The following RBM33 variants were observed in gnomAD, a reference collection of about 807,000 sequenced individuals.
RBM33 encodes RNA-binding protein 33.
RBM33 carries 28 observed loss-of-function variants against 132.6 expected under a neutral mutation model. That is an observed-to-expected ratio of 0.21 (90% CI 0.16 to 0.29). The LOEUF is 0.29. Ranked by LOEUF, RBM33 falls within the 10% of genes least tolerant of loss-of-function variation. The probability of loss-of-function intolerance (pLI) is 1.00; values close to 1 mark genes in which losing one functional copy is unlikely to be tolerated. For synonymous variants in RBM33, 634 were observed against 593.0 expected (o/e 1.07, Z -1.01); for missense variants, 1,291 against 1,518.5 (o/e 0.85, Z 2.49).
chr7:155,689,242 T>C (rs1373775385), intron 5 of RBM33, among the ~76,000 whole-genome samples: 1 of 152,228 alleles, frequency 6.6e-6, no homozygotes, highest in Admixed American at 6.5e-5. Flanking sequence ...TCTTCTAGAT[T>C]TTCTAGTTTA....
chr7:155,737,764 A>T, intron 10 of RBM33, 102 bp downstream of exon 10: 2 of 1,283,354 alleles, frequency 1.6e-6, no homozygotes, highest in East Asian at 2.6e-5. Flanking sequence ...CCAGTTGGAG[A>T]TGTTAGGAAT....
chr7:155,753,953 T>G (rs1362683006), intron 14 of RBM33, among the ~76,000 whole-genome samples: 1 of 152,230 alleles, frequency 6.6e-6, no homozygotes, highest in African/African-American at 2.4e-5. Context: ...TCTAGCATCT[T>G]CCTTTTGGAG....
chr7:155,706,984 G>A lies in RBM33; in HGVS notation c.864G>A (p.Val288=). 3 of 1,594,794 alleles carry A rather than the reference G, an allele frequency of 1.9e-6. No individual in the cohort carries two copies. Among genetic ancestry groups the A allele is most frequent in the Non-Finnish European group, 2.6e-6 (3 of 1,170,702 alleles). The stretch of plus-strand genomic sequence containing the variant: ...GAGGTCCGCTGATGTGTCGTGGTGT[G>A]GGGGACCAGAGGAGAGAGAGCACCG... ...RRGGPLMCRG[V]GDQRRESTER... The change falls in exon 7 of 18, where the codon GTG becomes GTA. Residue 288 remains valine (V), a synonymous_variant. Coordinates refer to ENST00000401878, the MANE Select transcript of RBM33 (RefSeq NM_053043.3).
chr7:155,673,794 A>ACACC (rs1563138154), intron 3 of RBM33, among the ~76,000 whole-genome samples: 1 of 143,170 alleles, frequency 7.0e-6, no homozygotes, highest in Non-Finnish European at 1.5e-5. Flanking sequence ...ACACACACAC[A>ACACC]CACACACCCC....
Position 155,780,298 on chromosome 7 carries a change from C to G in RBM33, c.*5257C>G, listed in dbSNP as rs970858073. 6.6e-6 allele frequency: 1 copy of G among 152,226 alleles called. No homozygotes were observed. Among genetic ancestry groups the G allele is most frequent in the African/African-American group, 2.4e-5 (1 of 41,454 alleles). 9.4% of individuals were successfully genotyped at this position (152,226 alleles called of 1,614,324 possible). A position where few individuals can be genotyped will look rare whatever the true frequency, so the allele number is the denominator to read the frequency against. ...GAGCAAAAAAAGCCACCGCTCGTTT[C>G]TATAATCCAGCTTTGCTTTTCACAG... On this transcript the variant is annotated 3_prime_UTR_variant, in exon 18 of 18. Transcript: ENST00000401878.
At chr7:155,743,055 A>G (rs1801401074) in intron 13 of RBM33, among the ~76,000 whole-genome samples, 1 of 152,014 alleles carries the variant, frequency 6.6e-6, no homozygotes, top group Non-Finnish European at 1.5e-5. Context: ...TAATCAGTTC[A>G]TTTTTTTCAG....
intron 5 of RBM33, among the ~76,000 whole-genome samples, chr7:155,697,681 G>A (rs1040817678): frequency 2.6e-5 from 4 of 152,100 alleles, no homozygotes; most frequent in Non-Finnish European, 4.4e-5. Context: ...AGAACACTGA[G>A]ATCATACTTT....
chr7:155,766,553 G>A lies in RBM33; in HGVS notation c.3273G>A (p.Val1091=). The change falls in exon 16 of 18, where the codon GTG becomes GTA. Residue 1091 remains valine (V), a synonymous_variant. Transcript: ENST00000401878. ...CAAACAAGCAGAACCTGCGGGTGGT[G>A]GAGTGCAAGCCCCAGCCCTGCGTGG... ...LMPNKQNLRV[V]ECKPQPCVVS... 1.9e-6 allele frequency: 3 copies of A among 1,613,626 alleles called. No homozygotes were observed. The highest frequency in any genetic ancestry group is 2.2e-5 in the East Asian group (1 of 44,850).
intron 16 of RBM33, among the ~76,000 whole-genome samples, chr7:155,770,081 G>T (rs555344702): frequency 6.6e-6 from 1 of 152,206 alleles, no homozygotes; most frequent in Admixed American, 6.5e-5. Flanking sequence ...GTCAGGAGAC[G>T]TTTTAAAATT....
chr7:155,726,951 T>A (rs1365072797), intron 9 of RBM33, among the ~76,000 whole-genome samples: 1 of 152,206 alleles, frequency 6.6e-6, no homozygotes, highest in African/African-American at 2.4e-5. Context: ...CTTTGTCTCA[T>A]AGAGGAAAAG....
At chr7:155,657,699 G>A (rs1299115380) in intron 1 of RBM33, among the ~76,000 whole-genome samples, 1 of 152,162 alleles carries the variant, frequency 6.6e-6, no homozygotes, top group African/African-American at 2.4e-5. Flanking sequence ...AGCAATGTCT[G>A]CCATGGATGA....
At chr7:155,757,252 T>C (rs1382617864) in intron 14 of RBM33, among the ~76,000 whole-genome samples, 5 of 152,238 alleles carry the variant, frequency 3.3e-5, no homozygotes, top group Non-Finnish European at 1.5e-5. Flanking sequence ...ATGTGTATGC[T>C]AGTTCACATT....
chr7:155,673,685 TATAC>T (rs1289985038), intron 3 of RBM33, among the ~76,000 whole-genome samples: 1 of 135,370 alleles, frequency 7.4e-6, no homozygotes, highest in East Asian at 2.2e-4. Context: ...CGTGTATATA[TATAC>T]ACACATATAT....
chr7:155,716,316 G>GTTGTTTTT (rs1800460406), intron 8 of RBM33, among the ~76,000 whole-genome samples: 1 of 102,384 alleles, frequency 9.8e-6, no homozygotes, highest in South Asian at 3.4e-4. Flanking sequence ...CTTTTCTGCT[G>GTTGTTTTT]TTTTTTTTTT....
Position 155,711,211 on chromosome 7 carries a change from T to C in RBM33, c.957T>C (p.Ala319=), listed in dbSNP as rs768436256. The C allele has an allele frequency of 5.8e-6, 9 of 1,556,028 alleles. No individual in the cohort carries two copies. In the South Asian group the frequency reaches 7.1e-5, roughly 12 times the overall value. Residue 319 remains alanine (A), a synonymous_variant, in exon 8 of 18, where the codon GCT becomes GCC. Transcript: ENST00000401878. ...LPTQPPVVPQ[A]PPPPPPPPQQ... The stretch of plus-strand genomic sequence containing the variant: ...GGTTAATTCCTCCACAGCCCCAGGC[T>C]CCCCCTCCACCGCCACCGCCGCCTC...
intron 5 of RBM33, among the ~76,000 whole-genome samples, chr7:155,697,199 A>AG (rs1799817414): frequency 6.6e-6 from 1 of 152,142 alleles, no homozygotes; most frequent in Non-Finnish European, 1.5e-5. Context: ...GAGGAGGAGG[A>AG]GGAGGAGTAT....
intron 5 of RBM33, among the ~76,000 whole-genome samples, chr7:155,683,077 G>A (rs1799379783): frequency 6.6e-6 from 1 of 151,538 alleles, no homozygotes; most frequent in African/African-American, 2.4e-5. Flanking sequence ...GTTTAAAGTT[G>A]AGCAGTAGTA....
At chr7:155,761,369 A>T (rs1204680150) in intron 14 of RBM33, among the ~76,000 whole-genome samples, 1 of 152,200 alleles carries the variant, frequency 6.6e-6, no homozygotes, top group Non-Finnish European at 1.5e-5. Flanking sequence ...TCTGAAAGAG[A>T]TTGCGTAAGC....
intron 3 of RBM33, 95 bp downstream of exon 3, chr7:155,673,010 A>G (rs1166554767): frequency 9.2e-6 from 7 of 764,368 alleles, no homozygotes; most frequent in Non-Finnish European, 1.2e-5. Flanking sequence ...TCATTACTGG[A>G]AAGTTGGGTA....
Sources: allele counts gnomAD v4.1 joint callset (sites outside exome capture counted in the v4.1 genomes callset), GRCh38; gene constraint gnomAD v4.1.1; transcripts MANE v1.5; gene names NCBI Gene and HGNC (gene_info 2026-07-23, HGNC 2026-07-21).